The following GABBR1 variants were observed in gnomAD, a reference collection of about 807,000 sequenced individuals.
GABBR1 encodes GABA-B receptor, R1 subunit.
GABBR1 carries 35 observed loss-of-function variants against 117.7 expected under a neutral mutation model. That is an observed-to-expected ratio of 0.30 (90% CI 0.23 to 0.39). The LOEUF (loss-of-function observed/expected upper bound fraction) is 0.39. Among genes scored for constraint, GABBR1 ranks in the 10% least tolerant of loss-of-function variants. The probability of loss-of-function intolerance (pLI) is 1.00; values close to 1 mark genes in which losing one functional copy is unlikely to be tolerated. For missense variants in GABBR1, 709 were observed against 1,241.8 expected (o/e 0.57, Z 6.45); for synonymous variants, 442 against 486.6 (o/e 0.91, Z 1.21).
chr6:29,628,234 G>C, intron 5 of GABBR1: 5 of 953,406 alleles, frequency 5.2e-6, no homozygotes, highest in Non-Finnish European at 6.2e-6. Flanking sequence ...GAACGAAAGA[G>C]GAAGGGAGGG....
chr6:29,604,815 G>A lies in GABBR1; in HGVS notation c.2568+45C>T. The A allele has an allele frequency of 1.3e-6, 2 of 1,599,754 alleles. No homozygotes were observed. Among genetic ancestry groups the A allele is most frequent in the Non-Finnish European group, 1.7e-6 (2 of 1,173,322 alleles). ...CAGTAATATAGGAAGGAGGGATGGA[G>A]GGAACATGGGAACAAAGAGGGTGGG... On this transcript the variant is annotated intron_variant, in intron 21 of 22. Transcript: ENST00000377034. The surrounding 1 kb of genome is among the most constrained non-coding windows in gnomAD (Gnocchi z 5.3).
chr6:29,629,355 G>C, intron 4 of GABBR1: 1 of 657,366 alleles, frequency 1.5e-6, no homozygotes, highest in Non-Finnish European at 2.8e-6. Context: ...CAATAGCTAA[G>C]TTTGGGGCAG....
At chr6:29,617,301 C>CTTTTTTTTTTTTTTT (rs373993426) in intron 11 of GABBR1, among the ~76,000 whole-genome samples, 4 of 119,876 alleles carry the variant, frequency 3.3e-5, no homozygotes, top group Non-Finnish European at 3.3e-5. Flanking sequence ...TTCTTTCTTT[C>CTTTTTTTTTTTTTTT]TTTTTTTTTT....
chr6:29,616,305 G>T (rs1763096576), intron 11 of GABBR1, among the ~76,000 whole-genome samples: 1 of 152,032 alleles, frequency 6.6e-6, no homozygotes, highest in Non-Finnish European at 1.5e-5. Flanking sequence ...TTGAACCCAG[G>T]AGGCGGAGGT....
At position 29,613,261 on chromosome 6, in the gene GABBR1, C is replaced by T. The variant is rs753543292; in HGVS notation, c.1548G>A (p.Ser516=). The stretch of plus-strand genomic sequence containing the variant: ...AACTCACAGAGACACCCTCAAAGGA[C>T]GAAGAGTTCATTGCCCGGTAGATTT... The part of the protein sequence containing the change: ...TDQIYRAMNS[S]SFEGVSGHVV... Residue 516 remains serine, a synonymous_variant, in exon 12 of 23, where the codon TCG becomes TCA. Transcript: ENST00000377034. This position sits in a 1 kb window ranked among gnomAD's most constrained non-coding sequence, Gnocchi z 4.1. The T allele has an allele frequency of 3.0e-5, 49 of 1,612,720 alleles. No individual in the cohort carries two copies. The highest frequency in any genetic ancestry group is 3.7e-5 in the Non-Finnish European group (44 of 1,179,872).
rs750273582 is a variant in GABBR1, at chr6:29,612,633, G to C, written c.1567-19C>G. 1 of 1,611,522 alleles carries C rather than the reference G, an allele frequency of 6.2e-7. No homozygotes were observed. The highest frequency in any genetic ancestry group is 1.1e-5 in the South Asian group (1 of 91,040). On this transcript the variant is annotated intron_variant, in intron 12 of 22. Coordinates refer to ENST00000377034, the MANE Select transcript of GABBR1 (RefSeq NM_001470.4). ...CATGGCCCTGAGGGAAGGAACATGT[G>C]GAGCAAGGCAAAGGAGACAAAAGCA...
chr6:29,605,813 A>G lies in GABBR1; in HGVS notation c.2312-117T>C, dbSNP rs1761887943. 4 of 1,259,778 alleles carry G rather than the reference A, an allele frequency of 3.2e-6. No individual in the cohort carries two copies. In the African/African-American group the frequency reaches 5.9e-5, roughly 19 times the overall value. The allele number at this position is 1,259,778 out of a possible 1,614,324, so 78.0% of individuals were successfully genotyped here. A position where few individuals can be genotyped will look rare whatever the true frequency, so the allele number is the denominator to read the frequency against. On this transcript the variant is annotated intron_variant, in intron 19 of 22. Coordinates refer to ENST00000377034, the MANE Select transcript of GABBR1 (RefSeq NM_001470.4). This position sits in a 1 kb window ranked among gnomAD's most constrained non-coding sequence, Gnocchi z 4.2. ...AATGGAAAGGGGGCCCTCCTCTCCA[A>G]TCCAACCCCTCTGACCTAGCAAACC...
Position 29,606,131 on chromosome 6 carries a change from C to A in GABBR1, c.2311+260G>T, listed in dbSNP as rs757459168. 29 of 557,146 alleles carry A rather than the reference C, an allele frequency of 5.2e-5. No individual in the cohort carries two copies. Among genetic ancestry groups the A allele is most frequent in the Non-Finnish European group, 8.0e-5 (25 of 313,936 alleles). 34.5% of individuals were successfully genotyped at this position (557,146 alleles called of 1,614,324 possible). On this transcript the variant is annotated intron_variant, in intron 19 of 22. Coordinates refer to ENST00000377034, the MANE Select transcript of GABBR1 (RefSeq NM_001470.4). This position sits in a 1 kb window ranked among gnomAD's most constrained non-coding sequence, Gnocchi z 4.5. ...AATGTCAAGTCTGGAGGTGGGGTTA[C>A]CCCCACTTGTTCCTCTGCTGAACAC...
At position 29,606,732 on chromosome 6, in the gene GABBR1, G is replaced by A. The variant is rs538411948; in HGVS notation, c.2217+165C>T. ...CTTCCTTTCTTCAGCTGAATCTGGAGGCCTATGAGGGGCTCCTTCTAGGAA... is the reference window on the plus strand; with the variant it reads ...CTTCCTTTCTTCAGCTGAATCTGGAAGCCTATGAGGGGCTCCTTCTAGGAA... On this transcript the variant is annotated intron_variant, in intron 18 of 22. Transcript: ENST00000377034. The surrounding 1 kb of genome is among the most constrained non-coding windows in gnomAD (Gnocchi z 4.5). 4.5e-5 allele frequency: 29 copies of A among 649,228 alleles called. No homozygotes were observed. In the East Asian group the frequency reaches 7.9e-4, roughly 18 times the overall value. The allele number at this position is 649,228 out of a possible 1,614,324, so 40.2% of individuals were successfully genotyped here.
rs1764434958 is a variant in GABBR1, at chr6:29,627,634, A to G, written c.509T>C (p.Val170Ala). 6.4e-7 allele frequency: 1 copy of G among 1,554,878 alleles called. No homozygotes were observed. The change falls in exon 6 of 23, where the codon GTG becomes GCG. Residue 170 changes from valine (V) to alanine (A), a missense_variant. Val to Ala is a moderately conservative substitution (Grantham distance 64). Around this residue, in one of 9 missense-constraint regions of GABBR1, gnomAD observed 192 missense variants for 418.4 expected, o/e 0.46. Coordinates refer to ENST00000377034, the MANE Select transcript of GABBR1 (RefSeq NM_001470.4). The surrounding 1 kb of genome is among the most constrained non-coding windows in gnomAD (Gnocchi z 4.4). ...NRTPHSERRA[V>A]YIGALFPMSG... ...CATGGGAAACAGTGCCCCGATGTACACTGCGCGCCGTTCTGAGGAGGGGTG... is the reference window on the plus strand; with the variant it reads ...CATGGGAAACAGTGCCCCGATGTACGCTGCGCGCCGTTCTGAGGAGGGGTG...
chr6:29,627,933 A>G lies in GABBR1; in HGVS notation c.497-287T>C. 1 of 1,356,780 alleles carries G rather than the reference A, an allele frequency of 7.4e-7. No homozygotes were observed. The highest frequency in any genetic ancestry group is 1.5e-5 in the African/African-American group (1 of 65,010). 84.0% of individuals were successfully genotyped at this position (1,356,780 alleles called of 1,614,324 possible). A position where few individuals can be genotyped will look rare whatever the true frequency, so the allele number is the denominator to read the frequency against. On this transcript the variant is annotated intron_variant, in intron 5 of 22. Transcript: ENST00000377034. This position sits in a 1 kb window ranked among gnomAD's most constrained non-coding sequence, Gnocchi z 4.4. ...GAGGAGGGGGCGAGGGCCCCGGAGAAGCAGGGAAGGTTGGCTTCCTACGGC... is the reference window on the plus strand; with the variant it reads ...GAGGAGGGGGCGAGGGCCCCGGAGAGGCAGGGAAGGTTGGCTTCCTACGGC...
chr6:29,615,608 T>TAAAAAAAAAA (rs767969781), intron 11 of GABBR1, among the ~76,000 whole-genome samples: 12 of 126,960 alleles, frequency 9.5e-5, no homozygotes, highest in Middle Eastern at 4.7e-3. Flanking sequence ...GACTCTGCCT[T>TAAAAAAAAAA]TAAAAAAAAA....
In GABBR1 at chr6:29,609,182, A is replaced by G; in HGVS notation, c.1859+47T>C. On this transcript the variant is annotated intron_variant, in intron 15 of 22. Transcript: ENST00000377034. The surrounding 1 kb of genome is among the most constrained non-coding windows in gnomAD (Gnocchi z 4.3). ...TCTCATCCTGTCCAGGAACATGATCAGTATCTCAGAGAGGCAGACAAGGAA... is the reference window on the plus strand; with the variant it reads ...TCTCATCCTGTCCAGGAACATGATCGGTATCTCAGAGAGGCAGACAAGGAA... 1 of 1,573,884 alleles carries G rather than the reference A, an allele frequency of 6.4e-7. No individual in the cohort carries two copies. The highest frequency in any genetic ancestry group is 8.7e-7 in the Non-Finnish European group (1 of 1,145,110).
rs766282918 is a variant in GABBR1 at position 29,631,477 on chromosome 6, C to G, written c.208G>C (p.Glu70Gln). 3 of 1,613,976 alleles carry G rather than the reference C, an allele frequency of 1.9e-6. No homozygotes were observed. Among genetic ancestry groups the G allele is most frequent in the Non-Finnish European group, 1.7e-6 (2 of 1,179,966 alleles). ...ACCTTGGGCCCCACCACCTCGCGCT[C>G]CCCCCGGCACACATACTCAATCTCA... is the stretch of plus-strand genomic sequence containing the variant. ...DYEIEYVCRGEREVVGPKVRK... is the reference protein window; with the variant it reads ...DYEIEYVCRGQREVVGPKVRK... The change falls in exon 3 of 23, where the codon GAG (glutamate) becomes CAG (glutamine). Residue 70 changes from glutamate (E) to glutamine (Q), a missense_variant. Transcript: ENST00000377034. The surrounding 1 kb of genome is among the most constrained non-coding windows in gnomAD (Gnocchi z 5.9).
chr6:29,611,458 T>C lies in GABBR1; in HGVS notation c.1631-457A>G, dbSNP rs1226014405. Among the ~76,000 whole-genome samples the C allele has an allele frequency of 1.3e-5, 2 of 152,220 alleles. No homozygotes were observed. The highest frequency in any genetic ancestry group is 2.9e-5 in the Non-Finnish European group (2 of 68,044). On this transcript the variant is annotated intron_variant, in intron 13 of 22. Transcript: ENST00000377034. The surrounding 1 kb of genome is among the most constrained non-coding windows in gnomAD (Gnocchi z 4.6). ...TTGGGTTTTAATTCCTTGGATAAGTTATATCTGCCTCTTAAAGCGCCATTG... is the reference window on the plus strand; with the variant it reads ...TTGGGTTTTAATTCCTTGGATAAGTCATATCTGCCTCTTAAAGCGCCATTG...
In GABBR1 at chr6:29,622,777, C is replaced by A. The variant is rs1240677861; in HGVS notation, c.963+528G>T. ...TCCCCCTCAACCTCTCCTTGTCTGT[C>A]GGCTTCTCTCTCTTAGTACCAACTA... On this transcript the variant is annotated intron_variant, in intron 8 of 22. Transcript: ENST00000377034. The surrounding 1 kb of genome is among the most constrained non-coding windows in gnomAD (Gnocchi z 4.6). Among the ~76,000 whole-genome samples the A allele has an allele frequency of 3.9e-5, 6 of 152,048 alleles. No individual in the cohort carries two copies. The highest frequency in any genetic ancestry group is 7.4e-5 in the Non-Finnish European group (5 of 68,006).
At chr6:29,616,429 T>C (rs1463916467) in intron 11 of GABBR1, among the ~76,000 whole-genome samples, 1 of 150,506 alleles carries the variant, frequency 6.6e-6, no homozygotes, top group Non-Finnish European at 1.5e-5. Flanking sequence ...CTCACGCCTG[T>C]AATCCCAGCA....
chr6:29,628,362 A>C (rs1031181825), intron 5 of GABBR1: 2 of 157,106 alleles, frequency 1.3e-5, no homozygotes, highest in African/African-American at 4.8e-5. Flanking sequence ...TAGGAAGGGA[A>C]GGATGCGAGT....
In GABBR1 at chr6:29,623,789, C is replaced by T; in HGVS notation, c.792+101G>A. On this transcript the variant is annotated intron_variant, in intron 7 of 22. Coordinates refer to ENST00000377034, the MANE Select transcript of GABBR1 (RefSeq NM_001470.4). The surrounding 1 kb of genome is among the most constrained non-coding windows in gnomAD (Gnocchi z 6.2). ...GGACTCTGAATCTTAGTAGCAGGTC[C>T]TCCACACTCCTTTTCAATACAAACC... 7.2e-7 allele frequency: 1 copy of T among 1,389,300 alleles called. No homozygotes were observed. Among genetic ancestry groups the T allele is most frequent in the Non-Finnish European group, 9.9e-7 (1 of 1,014,854 alleles). The allele number at this position is 1,389,300 out of a possible 1,614,324, so 86.1% of individuals were successfully genotyped here.
Sources: allele counts gnomAD v4.1 joint callset (sites outside exome capture counted in the v4.1 genomes callset), GRCh38; gene constraint gnomAD v4.1.1; regional missense constraint gnomAD v4.1.1; non-coding constraint Gnocchi (gnomAD v3.1); transcripts MANE v1.5; gene names NCBI Gene and HGNC (gene_info 2026-07-23, HGNC 2026-07-21).